DNPEP: variants seen among roughly 807,000 people sequenced by gnomAD.
The protein encoded by DNPEP is aspartyl aminopeptidase.
Under a neutral mutation model 59.1 loss-of-function variants are expected in DNPEP, and 46 were observed. That is an observed-to-expected ratio of 0.78 (90% CI 0.61 to 0.99). The LOEUF is 0.99. DNPEP is among the 50% of genes least tolerant of loss of function. The probability of loss-of-function intolerance (pLI) is 0.00; values close to 1 mark genes in which losing one functional copy is unlikely to be tolerated. For synonymous variants in DNPEP, 229 were observed against 242.2 expected (o/e 0.95, Z 0.50); for missense variants, 617 against 649.9 (o/e 0.95, Z 0.55).
At chr2:219,395,167 C>T (rs1276243643) in intron 1 of DNPEP, among the ~76,000 whole-genome samples, 1 of 152,080 alleles carries the variant, frequency 6.6e-6, no homozygotes, top group Non-Finnish European at 1.5e-5. Flanking sequence ...AGGCTGGTCT[C>T]GAACTCCTGA....
At chr2:219,380,202 C>CTTTTTTTTTTTTTTTTTTTTTT (rs71040453) in intron 13 of DNPEP, among the ~76,000 whole-genome samples, 1 of 129,202 alleles carries the variant, frequency 7.7e-6, no homozygotes. Flanking sequence ...TTTTTCTTTT[C>CTTTTTTTTTTTTTTTTTTTTTT]TTTTTTTTTT....
intron 8 of DNPEP, chr2:219,385,221 C>T: frequency 3.7e-6 from 2 of 542,666 alleles, no homozygotes; most frequent in Non-Finnish European, 3.3e-6. Context: ...CCCAGATAGT[C>T]CTAGTGGGCA....
chr2:219,377,356 C>T (rs918910329), intron 13 of DNPEP, among the ~76,000 whole-genome samples: 3 of 137,594 alleles, frequency 2.2e-5, no homozygotes, highest in Non-Finnish European at 3.1e-5. Context: ...ATAGGAAATA[C>T]GGGGCTTACA....
At chr2:219,391,289 C>CT (rs1262115915), upstream of DNPEP, among the ~76,000 whole-genome samples, 2 of 152,122 alleles carry the variant, frequency 1.3e-5, no homozygotes, top group African/African-American at 4.8e-5. Context: ...CTTCCCTGAA[C>CT]TTTGGGGGTA....
chr2:219,375,137 G>A (rs1490410214), intron 13 of DNPEP, 115 bp from the exon 14 acceptor site: 3 of 1,119,612 alleles, frequency 2.7e-6, no homozygotes, highest in African/African-American at 1.6e-5. Context: ...TCCATTCGGA[G>A]CATAAAATCA....
chr2:219,376,810 T>A (rs1458644545), intron 13 of DNPEP, among the ~76,000 whole-genome samples: 1 of 152,184 alleles, frequency 6.6e-6, no homozygotes, highest in Non-Finnish European at 1.5e-5. Flanking sequence ...AGGGAACTCA[T>A]CACTTGTATG....
At chr2:219,396,799 G>T (rs967221133) in intron 1 of DNPEP, among the ~76,000 whole-genome samples, 4 of 152,148 alleles carry the variant, frequency 2.6e-5, no homozygotes, top group Admixed American at 2.6e-4. Flanking sequence ...ACTGTGCTGT[G>T]CTTATCTAAG....
At chr2:219,376,661 G>A (rs1953386490) in intron 13 of DNPEP, among the ~76,000 whole-genome samples, 1 of 152,122 alleles carries the variant, frequency 6.6e-6, no homozygotes, top group Admixed American at 6.5e-5. Flanking sequence ...TTGATTGGAG[G>A]GAAGAAGTTC....
chr2:219,384,608 G>T, intron 8 of DNPEP, 165 bp from the exon 9 acceptor site: 1 of 529,080 alleles, frequency 1.9e-6, no homozygotes, highest in Non-Finnish European at 3.5e-6. Flanking sequence ...CGCTCTTGTC[G>T]CCCAGTCTGA....
At position 219,385,957 on chromosome 2, in the gene DNPEP, C is replaced by T. The variant is rs772543358; in HGVS notation, c.590+11G>A. On this transcript the variant is annotated intron_variant, in intron 6 of 14. Transcript: ENST00000273075. Reference sequence around the variant, plus strand: ...TCCCTCCCAGCCACCGCAGCCCTGCCCCAGTCTCACAGATGCATCTCTGTG... The same window carrying T: ...TCCCTCCCAGCCACCGCAGCCCTGCTCCAGTCTCACAGATGCATCTCTGTG... 1.2e-6 allele frequency: 2 copies of T among 1,613,856 alleles called. No individual in the cohort carries two copies. The highest frequency in any genetic ancestry group is 1.7e-6 in the Non-Finnish European group (2 of 1,179,898).
chr2:219,386,599 A>C, intron 4 of DNPEP, 66 bp downstream of exon 4: 17 of 1,499,348 alleles, frequency 1.1e-5, no homozygotes, highest in Non-Finnish European at 1.5e-5. Flanking sequence ...TGTACCTCCT[A>C]GTTCTCTTTT....
intron 13 of DNPEP, among the ~76,000 whole-genome samples, chr2:219,377,994 G>A (rs756904155): frequency 2.7e-5 from 4 of 150,696 alleles, no homozygotes; most frequent in Non-Finnish European, 4.4e-5. Context: ...GTGAAAAGAG[G>A]CAACAAAAAT....
At chr2:219,389,568 G>A (rs566964747), upstream of DNPEP, among the ~76,000 whole-genome samples, 99 of 152,248 alleles carry the variant, frequency 6.5e-4, no homozygotes, top group African/African-American at 2.1e-3. Context: ...AGTGGCTCAC[G>A]CCTGTAATCC....
chr2:219,387,626 A>C (rs1574993398), intron 1 of DNPEP, 133 bp downstream of exon 1: 1 of 1,544,068 alleles, frequency 6.5e-7, no homozygotes, highest in Non-Finnish European at 8.7e-7. Flanking sequence ...TCGTCAGGTC[A>C]CCCTCCGCGG....
chr2:219,381,491 G>A (rs1175726225), intron 12 of DNPEP, 54 bp downstream of exon 12: 13 of 1,613,610 alleles, frequency 8.1e-6, no homozygotes, highest in African/African-American at 1.3e-5. Flanking sequence ...GGAATGAGTC[G>A]GCGCTCGGAA....
intron 1 of DNPEP, among the ~76,000 whole-genome samples, chr2:219,395,455 CAG>C (rs1954081496): frequency 6.6e-6 from 1 of 152,170 alleles, no homozygotes; most frequent in Admixed American, 6.5e-5. Context: ...GAAGGGGGCT[CAG>C]AGGTTCCTCA....
intron 1 of DNPEP, among the ~76,000 whole-genome samples, chr2:219,396,855 T>G (rs1954106344): frequency 6.6e-6 from 1 of 152,176 alleles, no homozygotes; most frequent in Non-Finnish European, 1.5e-5. Context: ...CAGACCTCCA[T>G]GTACAATTTC....
At chr2:219,394,737 T>C (rs1038372483) in intron 1 of DNPEP, among the ~76,000 whole-genome samples, 1 of 152,220 alleles carries the variant, frequency 6.6e-6, no homozygotes, top group African/African-American at 2.4e-5. Flanking sequence ...TTCTGAACTA[T>C]ATATATTCTC....
Position 219,386,287 on chromosome 2 carries a change from T to C in DNPEP, c.458A>G (p.Lys153Arg). The change falls in exon 5 of 15, where the codon AAG becomes AGG. Residue 153 changes from lysine to arginine, a missense_variant and splice_region_variant. Lys to Arg is a conservative substitution (Grantham distance 26). Coordinates refer to ENST00000273075, the MANE Select transcript of DNPEP (RefSeq NM_012100.4). ...GCCATCCCCAACCTCGGTTCCCACC[T>C]TGACAATGACGCGTCCAGCCAGAGT... ...DLTLAGRVIVKCPTSGRLEQQ... is the reference protein window; with the variant it reads ...DLTLAGRVIVRCPTSGRLEQQ... 2 of 1,614,188 alleles carry C rather than the reference T, an allele frequency of 1.2e-6. No homozygotes were observed. Among genetic ancestry groups the C allele is most frequent in the Non-Finnish European group, 1.7e-6 (2 of 1,180,018 alleles).
Sources: gnomAD v4.1 joint callset for allele counts (sites outside exome capture counted in the v4.1 genomes callset) on GRCh38, gnomAD v4.1.1 for gene constraint, MANE v1.5 for transcripts, NCBI Gene and HGNC (gene_info 2026-07-23, HGNC 2026-07-21) for gene names.